CCDC138: variants seen among roughly 807,000 people sequenced by gnomAD.
The protein encoded by CCDC138 is coiled-coil domain containing 138, also known as coiled-coil domain-containing protein 138.
A neutral mutation model predicts 82.3 loss-of-function variants in CCDC138; 66 were observed. The ratio of observed to expected loss-of-function variants is 0.80; its 90% confidence interval spans 0.66 to 0.98. The LOEUF (loss-of-function observed/expected upper bound fraction) is 0.98, where lower values mean the gene tolerates loss of function less well. Among genes scored for constraint, CCDC138 ranks in the 50% least tolerant of loss-of-function variants. The probability of loss-of-function intolerance (pLI) is 0.00; values close to 1 mark genes in which losing one functional copy is unlikely to be tolerated. For synonymous variants in CCDC138, 297 were observed against 265.4 expected (o/e 1.12, Z -1.16); for missense variants, 816 against 758.9 (o/e 1.08, Z -0.88).
At chr2:108,873,884 A>G (rs1695641119) in intron 14 of CCDC138, among the ~76,000 whole-genome samples, 1 of 152,152 alleles carries the variant, frequency 6.6e-6, no homozygotes, top group African/African-American at 2.4e-5. Context: ...ACCTTTCTGA[A>G]TCCCATGCTA....
At chr2:108,795,037 C>A (rs112663210) in intron 5 of CCDC138, among the ~76,000 whole-genome samples, 152 of 119,772 alleles carry the variant, frequency 1.3e-3, no homozygotes, top group African/African-American at 3.7e-3. Flanking sequence ...GATGCTCTAG[C>A]TTTATTGTTT....
chr2:108,796,209 C>G (rs6757436), intron 5 of CCDC138, among the ~76,000 whole-genome samples: 1 of 151,700 alleles, frequency 6.6e-6, no homozygotes, highest in Non-Finnish European at 1.5e-5. Flanking sequence ...CCACCGCGCC[C>G]GGCTAATTTT....
At chr2:108,798,615 G>T in intron 6 of CCDC138, 29 bp downstream of exon 6, 1 of 1,502,274 alleles carries the variant, frequency 6.7e-7, no homozygotes, top group South Asian at 1.2e-5. Flanking sequence ...ATTTTAGAGT[G>T]GTATATTTCT....
chr2:108,834,693 A>G (rs1688291229), intron 10 of CCDC138, among the ~76,000 whole-genome samples: 1 of 152,210 alleles, frequency 6.6e-6, no homozygotes, highest in South Asian at 2.1e-4. Context: ...CATCATCGCT[A>G]TCAATTTCAA....
intron 11 of CCDC138, 121 bp downstream of exon 11, chr2:108,839,422 A>C: frequency 1.2e-6 from 1 of 803,734 alleles, no homozygotes; most frequent in Non-Finnish European, 1.9e-6. Context: ...TTCCCTATCT[A>C]TGTCTTGCTG....
At chr2:108,815,802 T>G (rs1684689249) in intron 9 of CCDC138, 139 bp from the exon 10 acceptor site, 1 of 700,510 alleles carries the variant, frequency 1.4e-6, no homozygotes, top group East Asian at 3.0e-5. Flanking sequence ...TTTTGTTTGT[T>G]TGGAGAAGCT....
intron 6 of CCDC138, among the ~76,000 whole-genome samples, chr2:108,804,494 T>A (rs906153601): frequency 2.0e-5 from 3 of 152,166 alleles, no homozygotes; most frequent in African/African-American, 7.2e-5. Flanking sequence ...TAATGTAAAT[T>A]ATACACTTTA....
intron 10 of CCDC138, among the ~76,000 whole-genome samples, chr2:108,832,941 T>G (rs969035149): frequency 1.3e-5 from 2 of 152,122 alleles, no homozygotes; most frequent in Admixed American, 6.6e-5. Context: ...AGACAGGAAA[T>G]GGTTTTAAGC....
intron 7 of CCDC138, among the ~76,000 whole-genome samples, chr2:108,809,240 T>C (rs1203503790): frequency 6.6e-6 from 1 of 152,178 alleles, no homozygotes; most frequent in Non-Finnish European, 1.5e-5. Context: ...ATTTTGAGTT[T>C]AGGTAGTGTA....
At position 108,804,935 on chromosome 2, in the gene CCDC138, A is replaced by G; in HGVS notation, c.782A>G (p.Lys261Arg). The G allele has an allele frequency of 1.3e-6, 2 of 1,573,504 alleles. No homozygotes were observed. Among genetic ancestry groups the G allele is most frequent in the Non-Finnish European group, 1.7e-6 (2 of 1,165,794 alleles). Residue 261 changes from lysine to arginine, a missense_variant, in exon 7 of 15, where the codon AAG becomes AGG. Physicochemically the swap from Lys to Arg is conservative, Grantham distance 26 (BLOSUM62 2). Coordinates refer to ENST00000295124, the MANE Select transcript of CCDC138 (RefSeq NM_144978.3). ...VEHLTEVLKE[K>R]NKETKRLRSS... ...CACTTAACCGAAGTTCTTAAGGAAA[A>G]GAATAAAGAAACCAAGAGACTGAGG...
intron 2 of CCDC138, chr2:108,883,713 G>A (rs964145607): frequency 6.6e-6 from 1 of 152,288 alleles, no homozygotes; most frequent in Non-Finnish European, 1.5e-5. Context: ...GTTGCCATCA[G>A]GAGACAACAG....
intron 12 of CCDC138, among the ~76,000 whole-genome samples, chr2:108,855,080 A>G (rs1294288169): frequency 6.6e-6 from 1 of 152,164 alleles, no homozygotes; most frequent in Non-Finnish European, 1.5e-5. Flanking sequence ...AAAGAAACCA[A>G]CTTTGATATA....
At chr2:108,787,708 G>T (rs952974053) in intron 1 of CCDC138, among the ~76,000 whole-genome samples, 3 of 151,740 alleles carry the variant, frequency 2.0e-5, no homozygotes, top group Non-Finnish European at 4.4e-5. Flanking sequence ...TTTCTGTAAG[G>T]TTGTTTTTTT....
chr2:108,799,098 G>A (rs1012466570), intron 6 of CCDC138, among the ~76,000 whole-genome samples: 2 of 152,080 alleles, frequency 1.3e-5, no homozygotes, highest in African/African-American at 2.4e-5. Context: ...AGATTCATGC[G>A]TTATATTTGG....
At chr2:108,870,864 G>C (rs1397107884) in intron 13 of CCDC138, among the ~76,000 whole-genome samples, 1 of 152,184 alleles carries the variant, frequency 6.6e-6, no homozygotes, top group Non-Finnish European at 1.5e-5. Flanking sequence ...AGTTTCAGAA[G>C]AAGATGGAAA....
At chr2:108,809,003 G>A (rs1395983438) in intron 7 of CCDC138, among the ~76,000 whole-genome samples, 1 of 152,148 alleles carries the variant, frequency 6.6e-6, no homozygotes, top group Non-Finnish European at 1.5e-5. Context: ...GTCTGTGATG[G>A]GAGATGGGGG....
intron 4 of CCDC138, among the ~76,000 whole-genome samples, chr2:108,794,056 AAAG>A (rs982173260): frequency 7.2e-5 from 11 of 152,226 alleles, no homozygotes; most frequent in African/African-American, 2.2e-4. Flanking sequence ...AACCTGTTTA[AAAG>A]AAGAGGTTAT....
At chr2:108,846,683 A>G in intron 11 of CCDC138, 55 bp from the exon 12 acceptor site, 1 of 1,484,622 alleles carries the variant, frequency 6.7e-7, no homozygotes, top group Non-Finnish European at 9.2e-7. Context: ...TCTCAAAAAA[A>G]AAGATATATT....
At chr2:108,832,069 G>A (rs1477752537) in intron 10 of CCDC138, among the ~76,000 whole-genome samples, 2 of 150,968 alleles carry the variant, frequency 1.3e-5, no homozygotes, top group Non-Finnish European at 2.9e-5. Flanking sequence ...TCACTCTGTC[G>A]CCCAGGCTGG....
Sources: gnomAD v4.1 joint callset for allele counts (sites outside exome capture counted in the v4.1 genomes callset) on GRCh38, gnomAD v4.1.1 for gene constraint, MANE v1.5 for transcripts, NCBI Gene and HGNC (gene_info 2026-07-23, HGNC 2026-07-21) for gene names.